Variants in SPAG16 observed in about 807,000 individuals in gnomAD.
SPAG16 encodes the protein sperm associated antigen 16.
In SPAG16, 86 loss-of-function variants were observed where a neutral mutation model predicts 80.4. The ratio of observed to expected loss-of-function variants is 1.07; its 90% confidence interval spans 0.90 to 1.28. The LOEUF (loss-of-function observed/expected upper bound fraction) is 1.28, where lower values mean the gene tolerates loss of function less well. SPAG16 is among the 50% of genes most tolerant of loss of function. The pLI is 0.00. For missense variants in SPAG16, 870 were observed against 765.3 expected (o/e 1.14, Z -1.61); for synonymous variants, 294 against 265.9 (o/e 1.11, Z -1.03).
chr2:213,868,800 C>T (rs1162784006), intron 11 of SPAG16, among the ~76,000 whole-genome samples: 1 of 152,158 alleles, frequency 6.6e-6, no homozygotes, highest in Non-Finnish European at 1.5e-5. Context: ...AACTTCTACC[C>T]TTAGGAGCTG....
At chr2:213,654,536 AAT>A (rs1476767162) in intron 10 of SPAG16, among the ~76,000 whole-genome samples, 14 of 121,900 alleles carry the variant, frequency 1.1e-4, no homozygotes, top group African/African-American at 4.6e-4. Context: ...CTCTACTAAA[AAT>A]ACAAAAAAAA....
chr2:214,122,974 T>C (rs942301588), intron 14 of SPAG16, among the ~76,000 whole-genome samples: 1 of 151,984 alleles, frequency 6.6e-6, no homozygotes, highest in Non-Finnish European at 1.5e-5. Flanking sequence ...CATCCTATAC[T>C]ATGTGATTTT....
chr2:213,609,166 T>C (rs1177456235), intron 10 of SPAG16, among the ~76,000 whole-genome samples: 1 of 152,216 alleles, frequency 6.6e-6, no homozygotes, highest in African/African-American at 2.4e-5. Flanking sequence ...ATCCACTGAA[T>C]TTTTCCATTC....
In SPAG16 at chr2:213,494,753, GC is replaced by G. The variant is rs1249467583; in HGVS notation, c.1070+4665del. On this transcript the variant is annotated intron_variant, in intron 10 of 15. Transcript: ENST00000331683. ...TAAAACCCAAACTTACTACTGTGTG[GC>G]CTTTGCAAGATGAGACTCTTGCCTA... 7.2e-5 allele frequency among the ~76,000 whole-genome samples: 11 copies of G among 152,220 alleles called. 1 individual carries two copies. Among genetic ancestry groups the G allele is most frequent in the African/African-American group, 2.6e-4 (11 of 41,544 alleles).
At chr2:213,410,139 C>T (rs1559104526) in intron 9 of SPAG16, among the ~76,000 whole-genome samples, 2 of 152,060 alleles carry the variant, frequency 1.3e-5, no homozygotes, top group Non-Finnish European at 2.9e-5. Context: ...CCTCCAGAGT[C>T]GTGGGCCATA....
At chr2:213,451,892 T>C (rs2071714268) in intron 9 of SPAG16, among the ~76,000 whole-genome samples, 1 of 152,104 alleles carries the variant, frequency 6.6e-6, no homozygotes, top group South Asian at 2.1e-4. Context: ...TTCCAGGCAC[T>C]TTCTTGCAGC....
intron 12 of SPAG16, among the ~76,000 whole-genome samples, chr2:213,997,162 A>G (rs1366401907): frequency 6.6e-6 from 1 of 152,082 alleles, no homozygotes; most frequent in Non-Finnish European, 1.5e-5. Context: ...GCTTCACATA[A>G]CCCACACTTT....
At chr2:213,289,174 T>C (rs533067299) in intron 1 of SPAG16, among the ~76,000 whole-genome samples, 1 of 152,332 alleles carries the variant, frequency 6.6e-6, no homozygotes, top group Non-Finnish European at 1.5e-5. Flanking sequence ...TTGCTGCTGG[T>C]CTAAGGACTG....
chr2:213,735,054 G>A (rs2067223964), intron 10 of SPAG16, among the ~76,000 whole-genome samples: 1 of 151,752 alleles, frequency 6.6e-6, no homozygotes, highest in African/African-American at 2.4e-5. Context: ...TGCAGCCCTT[G>A]AGAAGTCCAA....
intron 10 of SPAG16, among the ~76,000 whole-genome samples, chr2:213,537,548 T>G (rs2076293342): frequency 6.6e-6 from 1 of 152,124 alleles, no homozygotes; most frequent in African/African-American, 2.4e-5. Context: ...GATACTGCAC[T>G]TGGAGAGTAA....
intron 12 of SPAG16, among the ~76,000 whole-genome samples, chr2:213,992,511 AATT>A (rs1347432073): frequency 2.0e-5 from 3 of 152,282 alleles, no homozygotes; most frequent in South Asian, 2.1e-4. Flanking sequence ...CCATTTTTAA[AATT>A]ATTATCTGTT....
chr2:213,339,711 A>C (rs997591795), intron 5 of SPAG16, among the ~76,000 whole-genome samples: 2 of 152,098 alleles, frequency 1.3e-5, no homozygotes, highest in Non-Finnish European at 2.9e-5. Context: ...TCTTTTCCCA[A>C]TTATCAGAAC....
chr2:213,418,035 A>G (rs1454344547), intron 9 of SPAG16, among the ~76,000 whole-genome samples: 1 of 151,862 alleles, frequency 6.6e-6, no homozygotes, highest in Non-Finnish European at 1.5e-5. Flanking sequence ...CATCACACCC[A>G]GCTAATTTTG....
At chr2:213,618,323 T>A (rs1358345791) in intron 10 of SPAG16, among the ~76,000 whole-genome samples, 1 of 152,216 alleles carries the variant, frequency 6.6e-6, no homozygotes, top group Non-Finnish European at 1.5e-5. Flanking sequence ...TACTCTATCC[T>A]CACTGCCTGA....
chr2:214,253,859 T>A (rs1046382221), intron 15 of SPAG16, among the ~76,000 whole-genome samples: 5 of 152,162 alleles, frequency 3.3e-5, no homozygotes, highest in African/African-American at 1.2e-4. Flanking sequence ...TGGAGATTGA[T>A]GGGGATAGCA....
chr2:213,412,446 T>TA (rs923295046), intron 9 of SPAG16, among the ~76,000 whole-genome samples: 30 of 151,900 alleles, frequency 2.0e-4, no homozygotes, highest in Non-Finnish European at 3.1e-4. Flanking sequence ...AAAAGAAAAT[T>TA]AAAAAAAATA....
intron 12 of SPAG16, among the ~76,000 whole-genome samples, chr2:213,971,373 T>A (rs1336707206): frequency 6.6e-6 from 1 of 152,176 alleles, no homozygotes; most frequent in Non-Finnish European, 1.5e-5. Flanking sequence ...TAAATACTAA[T>A]ATATGCAAAA....
At chr2:213,528,929 A>G (rs1295552998) in intron 10 of SPAG16, among the ~76,000 whole-genome samples, 1 of 152,176 alleles carries the variant, frequency 6.6e-6, no homozygotes, top group Non-Finnish European at 1.5e-5. Flanking sequence ...AACTAATCTG[A>G]AATTATAGAT....
chr2:214,084,526 C>T (rs543445118), intron 13 of SPAG16, among the ~76,000 whole-genome samples: 10 of 152,294 alleles, frequency 6.6e-5, no homozygotes, highest in African/African-American at 2.4e-4. Context: ...TTTTGCTTTT[C>T]TCACATTCAG....
Sources: allele counts gnomAD v4.1 joint callset (sites outside exome capture counted in the v4.1 genomes callset), GRCh38; gene constraint gnomAD v4.1.1; transcripts MANE v1.5; gene names NCBI Gene and HGNC (gene_info 2026-07-23, HGNC 2026-07-21).